Variants in BBS12 observed in about 807,000 individuals in gnomAD.
BBS12 encodes chaperonin-containing T-complex member BBS12.
BBS12 carries 5 observed loss-of-function variants against 5.6 expected under a neutral mutation model. The ratio of observed to expected loss-of-function variants is 0.89; its 90% confidence interval spans 0.46 to 1.86. The LOEUF (loss-of-function observed/expected upper bound fraction) is 1.86, where lower values mean the gene tolerates loss of function less well. Among genes scored for constraint, BBS12 ranks in the 40% most tolerant of loss-of-function variants. The probability of loss-of-function intolerance (pLI) is 0.01; values close to 1 mark genes in which losing one functional copy is unlikely to be tolerated. For missense variants in BBS12, 748 were observed against 830.4 expected (o/e 0.90, Z 1.22); for synonymous variants, 308 against 306.8 (o/e 1.00, Z -0.04).
the BBS12 span, among the ~76,000 whole-genome samples, chr4:122,710,510 C>T: frequency 2.6e-3 from 396 of 152,222 alleles, 2 homozygotes; most frequent in African/African-American, 8.8e-3. Flanking sequence ...TATCCAGTTG[C>T]GCATTTTAGC....
intron 1 of BBS12, among the ~76,000 whole-genome samples, chr4:122,739,279 C>T (rs1800829988): frequency 6.6e-6 from 1 of 152,218 alleles, no homozygotes; most frequent in African/African-American, 2.4e-5. Flanking sequence ...GAAGCTGATG[C>T]AGTGAGGATG....
At chr4:122,722,664 CTCTT>C in the BBS12 span, among the ~76,000 whole-genome samples, 2 of 152,058 alleles carry the variant, frequency 1.3e-5, no homozygotes, top group Admixed American at 6.6e-5. Context: ...ATGTTATGGT[CTCTT>C]TATTATTTGT....
intron 1 of BBS12, among the ~76,000 whole-genome samples, chr4:122,733,722 T>G (rs1800740565): frequency 6.6e-6 from 1 of 152,190 alleles, no homozygotes; most frequent in African/African-American, 2.4e-5. Context: ...GAGAGAATCT[T>G]AAAACTTCTA....
the BBS12 span, among the ~76,000 whole-genome samples, chr4:122,716,559 A>G: frequency 7.3e-5 from 11 of 149,696 alleles, no homozygotes; most frequent in Non-Finnish European, 1.3e-4. Context: ...ATATACACAT[A>G]TGTATATATA....
At chr4:122,709,952 G>T in the BBS12 span, among the ~76,000 whole-genome samples, 1 of 152,134 alleles carries the variant, frequency 6.6e-6, no homozygotes, top group African/African-American at 2.4e-5. Flanking sequence ...TACTGTGCCT[G>T]GCAATACATT....
At chr4:122,725,005 CTTAGAA>C in the BBS12 span, among the ~76,000 whole-genome samples, 3 of 151,938 alleles carry the variant, frequency 2.0e-5, no homozygotes, top group Non-Finnish European at 4.4e-5. Context: ...TTTTTTTACT[CTTAGAA>C]TTAGGCTACA....
chr4:122,710,988 A>G, the BBS12 span, among the ~76,000 whole-genome samples: 1 of 152,226 alleles, frequency 6.6e-6, no homozygotes, highest in Admixed American at 6.5e-5. Context: ...GTTGTACCTG[A>G]TAAGTAAGAG....
At chr4:122,716,669 A>ATGTATATACACACATG in the BBS12 span, among the ~76,000 whole-genome samples, 141 of 78,342 alleles carry the variant, frequency 1.8e-3, 1 homozygote, top group African/African-American at 6.5e-3. Context: ...ACATACACAT[A>ATGTATATACACACATG]TGTGTATATA....
the BBS12 span, among the ~76,000 whole-genome samples, chr4:122,718,042 A>T: frequency 0.44 from 66,287 of 152,028 alleles, 16,084 homozygotes; most frequent in East Asian, 0.65. Context: ...AGTTTTCTCA[A>T]CTGTAAAATC....
chr4:122,707,976 T>TTCCTTC, the BBS12 span, among the ~76,000 whole-genome samples: 1 of 100,554 alleles, frequency 9.9e-6, no homozygotes, highest in Non-Finnish European at 2.6e-5. Flanking sequence ...TTCCTTCCTT[T>TTCCTTC]CTTTCTTTCT....
Position 122,742,410 on chromosome 4 carries a change from T to C in BBS12, c.518T>C (p.Leu173Ser), listed in dbSNP as rs570031700. 1 of 1,614,220 alleles carries C rather than the reference T, an allele frequency of 6.2e-7. No individual in the cohort carries two copies. Among genetic ancestry groups the C allele is most frequent in the African/African-American group, 1.3e-5 (1 of 75,072 alleles). Residue 173 changes from leucine (L) to serine (S), a missense_variant, in exon 2 of 2, where the codon TTG becomes TCG. Transcript: ENST00000314218. Reference sequence around the variant, plus strand: ...TCAGATACTGATTTGATAGAGGAATTGCATGGTCTCAAAGATGTTGCCTCT... The same window carrying C: ...TCAGATACTGATTTGATAGAGGAATCGCATGGTCTCAAAGATGTTGCCTCT... Reference protein sequence around the residue: ...VPSDTDLIEELHGLKDVASQT... With the variant: ...VPSDTDLIEESHGLKDVASQT...
At chr4:122,716,607 ATGTG>A in the BBS12 span, among the ~76,000 whole-genome samples, 3 of 58,810 alleles carry the variant, frequency 5.1e-5, no homozygotes, top group East Asian at 1.3e-3. Context: ...GTATACACAC[ATGTG>A]TGTATATGCA....
At chr4:122,738,891 C>T (rs1032028191) in intron 1 of BBS12, among the ~76,000 whole-genome samples, 11 of 152,092 alleles carry the variant, frequency 7.2e-5, no homozygotes, top group African/African-American at 2.7e-4. Flanking sequence ...CTGAATATTT[C>T]CCCCCAGTTC....
chr4:122,740,691 A>T (rs1800856535), intron 1 of BBS12, among the ~76,000 whole-genome samples: 1 of 152,248 alleles, frequency 6.6e-6, no homozygotes, highest in South Asian at 2.1e-4. Context: ...GAATGTTTGT[A>T]GTGCTATAAT....
Position 122,743,753 on chromosome 4 carries a change from C to T in BBS12, c.1861C>T (p.His621Tyr), listed in dbSNP as rs1800935119. 6.2e-7 allele frequency: 1 copy of T among 1,614,184 alleles called. No homozygotes were observed. The highest frequency in any genetic ancestry group is 8.5e-7 in the Non-Finnish European group (1 of 1,180,024). Residue 621 changes from histidine (H) to tyrosine (Y), a missense_variant, in exon 2 of 2, where the codon CAT (histidine) becomes TAT (tyrosine). By Grantham distance (83) the His-to-Tyr change is moderately conservative. Coordinates refer to ENST00000314218, the MANE Select transcript of BBS12 (RefSeq NM_152618.3). The stretch of plus-strand genomic sequence containing the variant: ...ATTTGAAGCCAGCACATACATTCAA[C>T]ATCATCTGCAAAATGCCACAGACTC... ...SEFEASTYIQ[H>Y]HLQNATDSGS...
chr4:122,706,829 A>G, the BBS12 span, among the ~76,000 whole-genome samples: 2 of 152,206 alleles, frequency 1.3e-5, no homozygotes, highest in African/African-American at 4.8e-5. Context: ...AACCATGTGC[A>G]TGTTCCATTT....
In BBS12 at chr4:122,743,067, C is replaced by T. The variant is rs747159816; in HGVS notation, c.1175C>T (p.Ser392Leu). The T allele has an allele frequency of 3.1e-6, 5 of 1,614,112 alleles. No individual in the cohort carries two copies. In the African/African-American group the frequency reaches 6.7e-5, roughly 22 times the overall value. ...LDSMRLQEDS[S>L]EELWANHVLQ... ...AGCATGCGGCTTCAAGAAGACAGCTCAGAAGAACTGTGGGCAAATCACGTG... is the reference window on the plus strand; with the variant it reads ...AGCATGCGGCTTCAAGAAGACAGCTTAGAAGAACTGTGGGCAAATCACGTG... Residue 392 changes from serine (S) to leucine (L), a missense_variant, in exon 2 of 2, where the codon TCA becomes TTA. Ser to Leu is a moderately radical substitution (Grantham distance 145, BLOSUM62 -2). Coordinates refer to ENST00000314218, the MANE Select transcript of BBS12 (RefSeq NM_152618.3).
the BBS12 span, among the ~76,000 whole-genome samples, chr4:122,724,965 A>G: frequency 1.3e-5 from 2 of 152,206 alleles, no homozygotes; most frequent in Non-Finnish European, 2.9e-5. Flanking sequence ...GGAAAATTCA[A>G]TGCCATGATT....
Position 122,744,211 on chromosome 4 carries a change from T to TA in BBS12, c.*187dup, listed in dbSNP as rs386401352. 0.2 allele frequency: 130,127 copies of TA among 639,686 alleles called. 14,944 individuals are homozygous for TA. Among genetic ancestry groups the TA allele is most frequent in the Non-Finnish European group, 0.25 (90,137 of 367,866 alleles). The allele number at this position is 639,686 out of a possible 1,614,324, so 39.6% of individuals were successfully genotyped here. On this transcript the variant is annotated 3_prime_UTR_variant, in exon 2 of 2. Transcript: ENST00000314218. ...CTTATAAGCTAACAAGTTAGCCTGTTACTGTTTCGTGGGATGCTACAGAAT... is the reference window on the plus strand; with the variant it reads ...CTTATAAGCTAACAAGTTAGCCTGTTAACTGTTTCGTGGGATGCTACAGAAT...
Sources: gnomAD v4.1 joint callset for allele counts (sites outside exome capture counted in the v4.1 genomes callset) on GRCh38, gnomAD v4.1.1 for gene constraint, MANE v1.5 for transcripts, NCBI Gene and HGNC (gene_info 2026-07-23, HGNC 2026-07-21) for gene names.